The following HIPK4 variants were observed in gnomAD, a reference collection of about 807,000 sequenced individuals.
HIPK4 encodes homeodomain interacting protein kinase 4.
HIPK4 carries 26 observed loss-of-function variants against 44.8 expected under a neutral mutation model. The ratio of observed to expected loss-of-function variants is 0.58; its 90% CI spans 0.43 to 0.80. The LOEUF is 0.80. Ranked by LOEUF, HIPK4 falls within the 30% of genes least tolerant of loss-of-function variation. HIPK4 has a pLI of 0.00. For synonymous variants in HIPK4, 340 were observed against 355.5 expected (o/e 0.96, Z 0.49); for missense variants, 729 against 862.6 (o/e 0.85, Z 1.94).
chr19:40,387,204 G>A (rs1381011092), intron 1 of HIPK4, among the ~76,000 whole-genome samples: 2 of 151,746 alleles, frequency 1.3e-5, no homozygotes, highest in Non-Finnish European at 2.9e-5. Context: ...TCACTTGCCT[G>A]TCTCTTGTCT....
chr19:40,382,989 G>A (rs1294447895), intron 2 of HIPK4, among the ~76,000 whole-genome samples: 2 of 150,254 alleles, frequency 1.3e-5, no homozygotes, highest in African/African-American at 4.9e-5. Flanking sequence ...AGAGGTTGCA[G>A]TGAGCTGAGA....
At chr19:40,385,307 G>A (rs1432543321) in intron 1 of HIPK4, among the ~76,000 whole-genome samples, 1 of 152,108 alleles carries the variant, frequency 6.6e-6, no homozygotes, top group Non-Finnish European at 1.5e-5. Flanking sequence ...CCTCACCGTG[G>A]CCCACAGGTC....
chr19:40,380,868 C>A lies in HIPK4; in HGVS notation c.1123G>T (p.Val375Leu). 1 of 1,608,234 alleles carries A rather than the reference C, an allele frequency of 6.2e-7. No homozygotes were observed. Among genetic ancestry groups the A allele is most frequent in the Non-Finnish European group, 8.5e-7 (1 of 1,175,170 alleles). The change falls in exon 3 of 4, where the codon GTG (valine) becomes TTG (leucine). Residue 375 changes from valine (V) to leucine (L), a missense_variant. Val to Leu is a conservative substitution (Grantham distance 32). Transcript: ENST00000291823. This position sits in a 1 kb window ranked among gnomAD's most constrained non-coding sequence, Gnocchi z 4.2. ...ACGGGCGTGGGGGGCTTCCCCTCCA[C>A]TTGCAGCGAGAGGCGGTAGCTGCGC... ...SLRSYRLSLQ[V>L]EGKPPTPVVA...
chr19:40,382,900 T>G (rs1321086334), intron 2 of HIPK4, among the ~76,000 whole-genome samples: 1 of 150,444 alleles, frequency 6.6e-6, no homozygotes, highest in Admixed American at 6.6e-5. Flanking sequence ...ACAAAAAAAT[T>G]GCCGGGTGTG....
intron 2 of HIPK4, among the ~76,000 whole-genome samples, chr19:40,381,880 A>G (rs942659880): frequency 7.2e-6 from 1 of 138,262 alleles, no homozygotes; most frequent in East Asian, 2.1e-4. Flanking sequence ...ATCTCGGCTC[A>G]CTGCAACCTC....
In HIPK4 at chr19:40,380,755, G is replaced by A; in HGVS notation, c.1236C>T (p.Pro412=). Residue 412 remains proline (P), a synonymous_variant, in exon 3 of 4, where the codon CCC becomes CCT. Coordinates refer to ENST00000291823, the MANE Select transcript of HIPK4 (RefSeq NM_144685.5). This position sits in a 1 kb window ranked among gnomAD's most constrained non-coding sequence, Gnocchi z 4.2. ...CTGGTGCCTTCTCCTCTCGGAAGAA[G>A]GGGCTGCTGCCGGCCACACTGCCCA... ...AGMGSVAGSS[P]FFREEKAPGM... is the part of the protein sequence containing the mutation. The A allele has an allele frequency of 6.2e-7, 1 of 1,614,180 alleles. No individual in the cohort carries two copies. The highest frequency in any genetic ancestry group is 2.2e-5 in the East Asian group (1 of 44,882).
At chr19:40,382,634 A>C (rs1206192649) in intron 2 of HIPK4, among the ~76,000 whole-genome samples, 1 of 152,062 alleles carries the variant, frequency 6.6e-6, no homozygotes, top group Non-Finnish European at 1.5e-5. Flanking sequence ...GCAGTTGCTG[A>C]CCAGTCCCAC....
intron 1 of HIPK4, among the ~76,000 whole-genome samples, chr19:40,386,150 A>G (rs2079362371): frequency 6.6e-6 from 1 of 151,798 alleles, no homozygotes; most frequent in Non-Finnish European, 1.5e-5. Flanking sequence ...GCTCACTGCA[A>G]CCTCCACCTA....
intron 1 of HIPK4, among the ~76,000 whole-genome samples, chr19:40,384,893 T>C (rs62109481): frequency 0.17 from 26,590 of 152,160 alleles, 2,439 homozygotes; most frequent in Non-Finnish European, 0.22. Flanking sequence ...ATTACAGGCA[T>C]GAGCCACCGC....
Position 40,380,811 on chromosome 19 carries a change from A to G in HIPK4, c.1180T>C (p.Cys394Arg), listed in dbSNP as rs145453056. The change falls in exon 3 of 4, where the codon TGT becomes CGT. Residue 394 changes from cysteine (C) to arginine (R), a missense_variant. Coordinates refer to ENST00000291823, the MANE Select transcript of HIPK4 (RefSeq NM_144685.5). The surrounding 1 kb of genome is among the most constrained non-coding windows in gnomAD (Gnocchi z 4.2). ...VAAEDGTPYY[C>R]LAEEKEAAGM... ...GCAGCCTCCTTCTCCTCAGCCAGAC[A>G]GTAGTAGGGGGTCCCATCTTCTGCG... is the stretch of plus-strand genomic sequence containing the variant. The G allele has an allele frequency of 1.1e-4, 171 of 1,612,658 alleles. No homozygotes were observed. Among genetic ancestry groups the G allele is most frequent in the Non-Finnish European group, 1.4e-4 (170 of 1,178,958 alleles).
chr19:40,379,388 T>C lies in HIPK4; in HGVS notation c.*199A>G, dbSNP rs1038289041. On this transcript the variant is annotated 3_prime_UTR_variant, in exon 4 of 4. Coordinates refer to ENST00000291823, the MANE Select transcript of HIPK4 (RefSeq NM_144685.5). ...TCTGGCCAAGGAGCATGGGCCAGAC[T>C]CCAAAGCCCTGCTGTGTTTAGGAGA... 5.7e-5 allele frequency: 32 copies of C among 560,520 alleles called. No individual in the cohort carries two copies. The highest frequency in any genetic ancestry group is 8.8e-5 in the Non-Finnish European group (29 of 327,828). 34.7% of individuals were successfully genotyped at this position (560,520 alleles called of 1,614,324 possible). A position where few individuals can be genotyped will look rare whatever the true frequency, so the allele number is the denominator to read the frequency against.
chr19:40,384,618 T>G lies in HIPK4; in HGVS notation c.466-479A>C, dbSNP rs1168440952. ...CCGCACCCAGCCTTTGTTGGTTTTT[T>G]TTTTTTTTTTTGAGACCGAGTCTCA... On this transcript the variant is annotated intron_variant, in intron 1 of 3. Transcript: ENST00000291823. 2.7e-3 allele frequency among the ~76,000 whole-genome samples: 398 copies of G among 150,078 alleles called. 2 individuals are homozygous for G. The highest frequency in any genetic ancestry group is 7.0e-3 in the Admixed American group (106 of 15,072).
At position 40,389,326 on chromosome 19, in the gene HIPK4, AAATAAT is replaced by A. The variant is rs1013544385; in HGVS notation, c.465+106_465+111del. On this transcript the variant is annotated intron_variant, in intron 1 of 3. Coordinates refer to ENST00000291823, the MANE Select transcript of HIPK4 (RefSeq NM_144685.5). This position sits in a 1 kb window ranked among gnomAD's most constrained non-coding sequence, Gnocchi z 4.6. ...GTAACAGAATGAAACTCCGTCTCAA[AAATAAT>A]AATAATAATAATTTTAAAAAATTAA... 3 of 483,478 alleles carry A rather than the reference AAATAAT, an allele frequency of 6.2e-6. No individual in the cohort carries two copies. The highest frequency in any genetic ancestry group is 2.0e-5 in the African/African-American group (1 of 49,674). The allele number at this position is 483,478 out of a possible 1,614,324, so 29.9% of individuals were successfully genotyped here.
chr19:40,379,754 G>A lies in HIPK4; in HGVS notation c.1684C>T (p.Leu562Phe). 1 of 1,612,158 alleles carries A rather than the reference G, an allele frequency of 6.2e-7. No homozygotes were observed. The highest frequency in any genetic ancestry group is 1.1e-5 in the South Asian group (1 of 90,828). ...CCAGGACAGCTGCTGGGGTCGAAGA[G>A]CTCAGGGTCTGGCCTCTGTGGGGGA... ...TMEAERPDPE[L>F]FDPSSCPGEW... Residue 562 changes from leucine to phenylalanine, a missense_variant, in exon 4 of 4, where the codon CTC becomes TTC. Transcript: ENST00000291823.
chr19:40,383,191 T>C (rs923130948), intron 2 of HIPK4, among the ~76,000 whole-genome samples: 2 of 143,298 alleles, frequency 1.4e-5, no homozygotes, highest in Admixed American at 7.1e-5. Flanking sequence ...CAAGCGATTC[T>C]CCTGCCTCAG....
chr19:40,387,270 C>T (rs991291056), intron 1 of HIPK4, among the ~76,000 whole-genome samples: 13 of 152,108 alleles, frequency 8.5e-5, no homozygotes, highest in African/African-American at 3.1e-4. Context: ...ACTAGGAAGA[C>T]ACCTCCCTGA....
chr19:40,383,243 C>A (rs1043289101), intron 2 of HIPK4, among the ~76,000 whole-genome samples: 1 of 151,470 alleles, frequency 6.6e-6, no homozygotes, highest in Non-Finnish European at 1.5e-5. Flanking sequence ...CCACTGCGCC[C>A]AGCTAATTTT....
In HIPK4 at chr19:40,381,449, C is replaced by T. The variant is rs149782260; in HGVS notation, c.823-281G>A. Among the ~76,000 whole-genome samples the T allele has an allele frequency of 3.9e-4, 59 of 152,312 alleles. No homozygotes were observed. In the East Asian group the frequency reaches 8.1e-3, roughly 21 times the overall value. On this transcript the variant is annotated intron_variant, in intron 2 of 3. Transcript: ENST00000291823. ...ACCAGCAGCTAGCAGAAGGGCTGCC[C>T]GGAATCTCTAGTCCTCCCTGGAATC...
Position 40,381,220 on chromosome 19 carries a change from C to A in HIPK4, c.823-52G>T, listed in dbSNP as rs188432171. The stretch of plus-strand genomic sequence containing the variant: ...GGTTGACCATTGTGCAGGGCTAGGG[C>A]CCTGGGCACTCCTGCTGTGGCACCC... On this transcript the variant is annotated intron_variant, in intron 2 of 3. Transcript: ENST00000291823. The A allele has an allele frequency of 1.5e-4, 213 of 1,455,418 alleles. 2 individuals carry two copies. In the East Asian group the frequency reaches 4.3e-3, roughly 29 times the overall value. 90.2% of individuals were successfully genotyped at this position (1,455,418 alleles called of 1,614,324 possible).
Sources: allele counts gnomAD v4.1 joint callset (sites outside exome capture counted in the v4.1 genomes callset), GRCh38; gene constraint gnomAD v4.1.1; non-coding constraint Gnocchi (gnomAD v3.1); transcripts MANE v1.5; gene names NCBI Gene and HGNC (gene_info 2026-07-23, HGNC 2026-07-21).